The following MACROD2 variants were observed in gnomAD, a reference collection of about 807,000 sequenced individuals.
MACROD2 encodes the protein mono-ADP ribosylhydrolase 2.
Under a neutral mutation model 70.4 loss-of-function variants are expected in MACROD2, and 36 were observed. That is an observed-to-expected ratio of 0.51 (90% CI 0.39 to 0.68). MACROD2 has a LOEUF of 0.68. Among genes scored for constraint, MACROD2 ranks in the 30% least tolerant of loss-of-function variants. The probability of loss-of-function intolerance (pLI) is 0.00; values close to 1 mark genes in which losing one functional copy is unlikely to be tolerated. For missense variants in MACROD2, 496 were observed against 538.4 expected, an observed-to-expected ratio of 0.92 and a Z score of 0.78; for synonymous variants, 172 against 178.8, an observed-to-expected ratio of 0.96 and a Z score of 0.30.
intron 3 of MACROD2, among the ~76,000 whole-genome samples, chr20:14,104,402 C>T (rs763072352): frequency 3.9e-5 from 6 of 152,098 alleles, no homozygotes; most frequent in Non-Finnish European, 5.9e-5. Flanking sequence ...CTCAGATAGC[C>T]GAAGTTCAAT....
chr20:14,920,063 G>A (rs539327889), intron 5 of MACROD2, among the ~76,000 whole-genome samples: 18 of 152,078 alleles, frequency 1.2e-4, no homozygotes, highest in Non-Finnish European at 2.1e-4. Flanking sequence ...TCAAACAGCC[G>A]GCAGCCCTGC....
chr20:15,789,079 C>T (rs2051977913), intron 8 of MACROD2, among the ~76,000 whole-genome samples: 1 of 152,192 alleles, frequency 6.6e-6, no homozygotes, highest in South Asian at 2.1e-4. Flanking sequence ...AAAAGATCAG[C>T]TCAGGACTTC....
At position 14,486,558 on chromosome 20, in the gene MACROD2, C is replaced by T. The variant is rs374222305; in HGVS notation, c.272-6921C>T. ...TTTTGAGACAGAGTTTCATTCTTGT[C>T]GCCCAGGCTGGAGTGCAGTGGCGTG... On this transcript the variant is annotated intron_variant, in intron 3 of 17. Coordinates refer to ENST00000684519, the MANE Select transcript of MACROD2 (RefSeq NM_001351661.2). 2.2e-4 allele frequency among the ~76,000 whole-genome samples: 24 copies of T among 110,032 alleles called. 1 individual carries two copies. The East Asian group carries it at 4.9e-3, about 23-fold the overall frequency. 72.2% of individuals were successfully genotyped at this position (110,032 alleles called of 152,430 possible).
intron 3 of MACROD2, among the ~76,000 whole-genome samples, chr20:14,246,529 CTCT>C (rs1381855196): frequency 6.6e-6 from 1 of 152,016 alleles, no homozygotes; most frequent in East Asian, 1.9e-4. Flanking sequence ...TCTGTTTTTC[CTCT>C]TCTTTGTATA....
At chr20:14,570,065 G>A (rs559493539) in intron 4 of MACROD2, among the ~76,000 whole-genome samples, 9 of 152,098 alleles carry the variant, frequency 5.9e-5, no homozygotes, top group South Asian at 4.1e-4. Context: ...ATCAACATGT[G>A]CAAGAATGTG....
chr20:14,952,568 A>T (rs2074484218), intron 5 of MACROD2, among the ~76,000 whole-genome samples: 2 of 152,254 alleles, frequency 1.3e-5, no homozygotes, highest in South Asian at 4.2e-4. Flanking sequence ...ATCAAAAGCA[A>T]CCCACATATC....
intron 5 of MACROD2, among the ~76,000 whole-genome samples, chr20:15,037,949 A>C (rs1263011047): frequency 8.9e-6 from 1 of 112,106 alleles, no homozygotes; most frequent in East Asian, 2.3e-4. Context: ...TGTTCTCACT[A>C]CAAAAAAAAA....
chr20:15,793,612 G>T (rs902825403), intron 8 of MACROD2, among the ~76,000 whole-genome samples: 3 of 151,536 alleles, frequency 2.0e-5, no homozygotes, highest in African/African-American at 7.3e-5. Flanking sequence ...CTTTTTAGTT[G>T]CTCCTTAAAT....
chr20:15,507,788 T>C (rs1023750978), intron 8 of MACROD2, among the ~76,000 whole-genome samples: 3 of 152,212 alleles, frequency 2.0e-5, no homozygotes, highest in African/African-American at 7.2e-5. Flanking sequence ...ATTGGCATAA[T>C]GAGGTTTTGG....
chr20:14,765,543 G>C (rs912501007), intron 5 of MACROD2, among the ~76,000 whole-genome samples: 2 of 152,246 alleles, frequency 1.3e-5, no homozygotes, highest in Non-Finnish European at 2.9e-5. Context: ...TCAGGAGTTA[G>C]TAGATAGGGT....
At chr20:14,924,159 T>C (rs1041696590) in intron 5 of MACROD2, among the ~76,000 whole-genome samples, 1 of 152,172 alleles carries the variant, frequency 6.6e-6, no homozygotes, top group African/African-American at 2.4e-5. Context: ...AGAAAAATAA[T>C]ACCATATGGA....
At position 14,168,059 on chromosome 20, in the gene MACROD2, C is replaced by T. The variant is rs373962901; in HGVS notation, c.271+82331C>T. ...TAAAAATAATTCCAGGAGTCTCCTT[C>T]AGAGAGGACATTAATCTATTAAGAT... On this transcript the variant is annotated intron_variant, in intron 3 of 17. Coordinates refer to ENST00000684519, the MANE Select transcript of MACROD2 (RefSeq NM_001351661.2). 2.0e-5 allele frequency among the ~76,000 whole-genome samples: 3 copies of T among 152,236 alleles called. No homozygotes were observed. In the East Asian group the frequency reaches 5.8e-4, roughly 29 times the overall value.
intron 8 of MACROD2, among the ~76,000 whole-genome samples, chr20:15,581,693 T>C (rs1250785433): frequency 1.3e-5 from 2 of 152,112 alleles, no homozygotes; most frequent in Non-Finnish European, 2.9e-5. Flanking sequence ...GGAGGGAACT[T>C]GTGTATTTGA....
At chr20:15,398,110 A>G (rs183187291) in intron 6 of MACROD2, among the ~76,000 whole-genome samples, 109 of 152,322 alleles carry the variant, frequency 7.2e-4, no homozygotes, top group African/African-American at 2.5e-3. Flanking sequence ...AGTAAAAATC[A>G]GGTGACTTTG....
intron 3 of MACROD2, among the ~76,000 whole-genome samples, chr20:14,288,201 G>A (rs1273437661): frequency 1.3e-5 from 2 of 151,694 alleles, no homozygotes; most frequent in Middle Eastern, 6.8e-3. Flanking sequence ...CCCCACCTGA[G>A]AAATAGAACT....
rs112134307 is a variant in MACROD2, at chr20:14,421,771, T to A, written c.272-71708T>A. 7.5e-3 allele frequency among the ~76,000 whole-genome samples: 1,139 copies of A among 152,252 alleles called. 17 individuals carry two copies. Among genetic ancestry groups the A allele is most frequent in the African/African-American group, 0.026 (1,082 of 41,558 alleles). On this transcript the variant is annotated intron_variant, in intron 3 of 17. Coordinates refer to ENST00000684519, the MANE Select transcript of MACROD2 (RefSeq NM_001351661.2). The stretch of plus-strand genomic sequence containing the variant: ...CATTGTGATTGGAATTTTTTTTGTA[T>A]GATTTCAATCTTTTAAAATTTATTG...
intron 3 of MACROD2, among the ~76,000 whole-genome samples, chr20:14,396,321 C>T (rs976441318): frequency 2.4e-4 from 37 of 152,148 alleles, no homozygotes; most frequent in Non-Finnish European, 4.1e-4. Flanking sequence ...GTGTTGAAAT[C>T]TCTATCATTG....
intron 5 of MACROD2, among the ~76,000 whole-genome samples, chr20:14,825,648 T>A (rs940807067): frequency 2.0e-5 from 3 of 152,176 alleles, no homozygotes; most frequent in African/African-American, 7.2e-5. Context: ...GTTAGTTACT[T>A]ATCAAACCAT....
chr20:14,408,716 A>G (rs759266558), intron 3 of MACROD2, among the ~76,000 whole-genome samples: 4 of 152,160 alleles, frequency 2.6e-5, no homozygotes, highest in Admixed American at 2.6e-4. Context: ...TGGCATTTAG[A>G]TAACTATTAG....
Sources: gnomAD v4.1 joint callset for allele counts (sites outside exome capture counted in the v4.1 genomes callset) on GRCh38, gnomAD v4.1.1 for gene constraint, MANE v1.5 for transcripts, NCBI Gene and HGNC (gene_info 2026-07-23, HGNC 2026-07-21) for gene names.